The following SOX6 variants were observed in gnomAD, a reference collection of about 807,000 sequenced individuals.
SOX6 encodes SRY-box transcription factor 6, also known as transcription factor SOX-6.
In SOX6, 11 loss-of-function variants were observed where a neutral mutation model predicts 97.8. The observed-to-expected ratio is 0.11, with a 90% CI of 0.07 to 0.19. The LOEUF (loss-of-function observed/expected upper bound fraction) is 0.19, where lower values mean the gene tolerates loss of function less well. SOX6 is among the 10% of genes least tolerant of loss of function. The probability of loss-of-function intolerance (pLI) is 1.00; values close to 1 mark genes in which losing one functional copy is unlikely to be tolerated. For missense variants in SOX6, 810 were observed against 1,039.5 expected, an observed-to-expected ratio of 0.78 and a Z score of 3.04; for synonymous variants, 360 against 371.4, an observed-to-expected ratio of 0.97 and a Z score of 0.35.
intron 4 of SOX6, among the ~76,000 whole-genome samples, chr11:16,564,721 A>T (rs1262690738): frequency 6.6e-6 from 1 of 152,120 alleles, no homozygotes; most frequent in East Asian, 1.9e-4. Flanking sequence ...TGAGTCAAAA[A>T]AAATTTTCAA....
chr11:16,575,889 G>A (rs1847982393), intron 4 of SOX6, among the ~76,000 whole-genome samples: 1 of 152,046 alleles, frequency 6.6e-6, no homozygotes, highest in Non-Finnish European at 1.5e-5. Context: ...ATAACTATTA[G>A]TTACACATAT....
intron 12 of SOX6, among the ~76,000 whole-genome samples, chr11:16,034,911 T>G (rs994207043): frequency 1.3e-5 from 2 of 152,014 alleles, no homozygotes; most frequent in Non-Finnish European, 2.9e-5. Context: ...TACAGATGCA[T>G]AGTCGGATAG....
intron 4 of SOX6, among the ~76,000 whole-genome samples, chr11:16,196,653 A>G (rs1851779979): frequency 6.6e-6 from 1 of 151,624 alleles, no homozygotes; most frequent in South Asian, 2.1e-4. Context: ...ACTCACTGTC[A>G]TACTCTTTTT....
At chr11:16,508,793 A>C (rs1026787221) in intron 4 of SOX6, among the ~76,000 whole-genome samples, 1 of 152,134 alleles carries the variant, frequency 6.6e-6, no homozygotes, top group Non-Finnish European at 1.5e-5. Flanking sequence ...GACTATCATT[A>C]ACAACAATGT....
At chr11:16,523,478 A>C (rs1397615459) in intron 4 of SOX6, among the ~76,000 whole-genome samples, 3 of 152,136 alleles carry the variant, frequency 2.0e-5, no homozygotes, top group Non-Finnish European at 4.4e-5. Context: ...GACACATTCA[A>C]AGCAGTGTGT....
At chr11:16,165,504 T>C (rs994644341) in intron 6 of SOX6, among the ~76,000 whole-genome samples, 2 of 152,194 alleles carry the variant, frequency 1.3e-5, no homozygotes, top group African/African-American at 4.8e-5. Flanking sequence ...ACTAAGGCTG[T>C]AAAAACTATA....
At chr11:16,319,282 G>A (rs1022596543) in intron 2 of SOX6, among the ~76,000 whole-genome samples, 19 of 152,132 alleles carry the variant, frequency 1.2e-4, no homozygotes, top group African/African-American at 4.6e-4. Context: ...GCTGTCCAAA[G>A]TTACAGAAGT....
chr11:16,277,436 CTG>C (rs919586070), intron 3 of SOX6, among the ~76,000 whole-genome samples: 4 of 152,122 alleles, frequency 2.6e-5, no homozygotes, highest in African/African-American at 9.7e-5. Flanking sequence ...GCCTCCAAAA[CTG>C]TGAAAAATAA....
intron 3 of SOX6, among the ~76,000 whole-genome samples, chr11:16,635,674 GC>G (rs2133999208): frequency 6.6e-6 from 1 of 152,262 alleles, no homozygotes; most frequent in Non-Finnish European, 1.5e-5. Flanking sequence ...CTTCACAGCT[GC>G]CCCTCCCATC....
chr11:16,519,650 C>T (rs1004722740), intron 4 of SOX6, among the ~76,000 whole-genome samples: 2 of 152,094 alleles, frequency 1.3e-5, no homozygotes, highest in Non-Finnish European at 2.9e-5. Flanking sequence ...GTGAATAGTG[C>T]TGCAGTAAAC....
At chr11:16,472,853 T>C (rs891463432) in intron 1 of SOX6, among the ~76,000 whole-genome samples, 1 of 152,124 alleles carries the variant, frequency 6.6e-6, no homozygotes, top group African/African-American at 2.4e-5. Context: ...AATTCCTTTA[T>C]AGCAGTACAC....
intron 1 of SOX6, among the ~76,000 whole-genome samples, chr11:16,397,108 G>A (rs1858383271): frequency 6.6e-6 from 1 of 151,328 alleles, no homozygotes; most frequent in Non-Finnish European, 1.5e-5. Context: ...AAAAAAACAA[G>A]AGAGTTTGTC....
At chr11:16,190,223 C>T (rs1851591330) in intron 4 of SOX6, among the ~76,000 whole-genome samples, 1 of 152,054 alleles carries the variant, frequency 6.6e-6, no homozygotes, top group African/African-American at 2.4e-5. Flanking sequence ...AAAAGATACA[C>T]GTTTAAGAAG....
intron 1 of SOX6, among the ~76,000 whole-genome samples, chr11:16,475,087 C>A (rs1426025505): frequency 6.6e-6 from 1 of 152,212 alleles, no homozygotes; most frequent in African/African-American, 2.4e-5. Context: ...CTTCTCTCAG[C>A]CTTCACAAAA....
rs942400274 is a variant in SOX6 at position 16,212,679 on chromosome 11, C to A, written c.535+21903G>T. ...AGATATAGCTAAACTTTTCTCAAAG[C>A]AGATATATAAACTTAGACCCTCACA... On this transcript the variant is annotated intron_variant, in intron 4 of 15. Transcript: ENST00000683767. Among the ~76,000 whole-genome samples the A allele has an allele frequency of 2.0e-5, 3 of 152,164 alleles. No individual in the cohort carries two copies. The East Asian group carries it at 5.8e-4, about 29-fold the overall frequency.
rs1023096288 is a variant in SOX6, at chr11:16,214,597, T to C, written c.535+19985A>G. 2.0e-5 allele frequency among the ~76,000 whole-genome samples: 3 copies of C among 152,084 alleles called. No individual in the cohort carries two copies. In the South Asian group the frequency reaches 6.2e-4, roughly 31 times the overall value. Reference sequence around the variant, plus strand: ...CTGCTCCTATACTGTCAGTGTTGATTGTCTAAACTCTATTTCTCTATAAGG... The same window carrying C: ...CTGCTCCTATACTGTCAGTGTTGATCGTCTAAACTCTATTTCTCTATAAGG... On this transcript the variant is annotated intron_variant, in intron 4 of 15. Coordinates refer to ENST00000683767, the MANE Select transcript of SOX6 (RefSeq NM_001367873.1).
In SOX6 at chr11:16,258,412, C is replaced by T. The variant is rs766192972; in HGVS notation, c.446-23741G>A. Reference sequence around the variant, plus strand: ...TGAGCTACCAAGCTATGAAAAGACGCGAAGGAAACTTAAATGCATTTAAGT... The same window carrying T: ...TGAGCTACCAAGCTATGAAAAGACGTGAAGGAAACTTAAATGCATTTAAGT... On this transcript the variant is annotated intron_variant, in intron 3 of 15. Coordinates refer to ENST00000683767, the MANE Select transcript of SOX6 (RefSeq NM_001367873.1). Among the ~76,000 whole-genome samples, 7 of 151,636 alleles carry T rather than the reference C, an allele frequency of 4.6e-5. No individual in the cohort carries two copies. In the South Asian group the frequency reaches 6.3e-4, roughly 14 times the overall value.
chr11:16,632,566 G>C (rs1044398082), intron 3 of SOX6, among the ~76,000 whole-genome samples: 20 of 152,228 alleles, frequency 1.3e-4, no homozygotes, highest in Admixed American at 8.5e-4. Context: ...AGGGTGAAGG[G>C]GCCACTATGG....
intron 6 of SOX6, among the ~76,000 whole-genome samples, chr11:16,170,618 C>A (rs1056493849): frequency 6.6e-6 from 1 of 151,950 alleles, no homozygotes; most frequent in South Asian, 2.1e-4. Flanking sequence ...GTTAAGGACC[C>A]GAATGGGACG....
Sources: allele counts gnomAD v4.1 joint callset (sites outside exome capture counted in the v4.1 genomes callset), GRCh38; gene constraint gnomAD v4.1.1; transcripts MANE v1.5; gene names NCBI Gene and HGNC (gene_info 2026-07-23, HGNC 2026-07-21).